The following LMNTD1 variants were observed in gnomAD, a reference collection of about 807,000 sequenced individuals.
LMNTD1 encodes the protein lamin tail domain containing 1.
LMNTD1 carries 35 observed loss-of-function variants against 50.9 expected under a neutral mutation model. The observed-to-expected ratio is 0.69, with a 90% CI of 0.53 to 0.91. The LOEUF is 0.91. Ranked by LOEUF, LMNTD1 falls within the 40% of genes least tolerant of loss-of-function variation. The probability of loss-of-function intolerance (pLI) is 0.00; values close to 1 mark genes in which losing one functional copy is unlikely to be tolerated. For missense variants in LMNTD1, 470 were observed against 475.5 expected (o/e 0.99, Z 0.11); for synonymous variants, 153 against 161.9 (o/e 0.94, Z 0.42).
At chr12:25,486,615 C>G (rs1938651417) in intron 9 of LMNTD1, among the ~76,000 whole-genome samples, 1 of 148,944 alleles carries the variant, frequency 6.7e-6, no homozygotes, top group Non-Finnish European at 1.5e-5. Context: ...AGTTTTTGCC[C>G]ATTCAGTATG....
At position 25,493,034 on chromosome 12, in the gene LMNTD1, G is replaced by A. The variant is rs369629659; in HGVS notation, c.*22+10704C>T. ...TTTCTCCATTAGCCTGAAACATCTA[G>A]CCTGTCTCTTAAAATCAGCTCCTTG... On this transcript the variant is annotated intron_variant, in intron 9 of 9. Coordinates refer to ENST00000458174, the MANE Select transcript of LMNTD1 (RefSeq NM_001145728.2). Among the ~76,000 whole-genome samples the A allele has an allele frequency of 1.8e-4, 28 of 152,218 alleles. 1 individual carries two copies. Among genetic ancestry groups the A allele is most frequent in the African/African-American group, 4.8e-4 (20 of 41,540 alleles).
intron 1 of LMNTD1, among the ~76,000 whole-genome samples, chr12:25,601,760 A>T (rs1321609594): frequency 6.6e-6 from 1 of 151,934 alleles, no homozygotes; most frequent in Non-Finnish European, 1.5e-5. Flanking sequence ...AAAATAAGTT[A>T]ATCCTTTTCT....
At chr12:25,528,085 C>T (rs1941943729) in intron 4 of LMNTD1, among the ~76,000 whole-genome samples, 2 of 152,062 alleles carry the variant, frequency 1.3e-5, no homozygotes, top group Admixed American at 1.3e-4. Flanking sequence ...TGTAAGTCCC[C>T]AAGTATTTTG....
At chr12:25,577,202 A>G (rs1945062899) in intron 1 of LMNTD1, among the ~76,000 whole-genome samples, 1 of 152,220 alleles carries the variant, frequency 6.6e-6, no homozygotes, top group South Asian at 2.1e-4. Flanking sequence ...TATGAACTTT[A>G]AAGTAGTTTT....
intron 8 of LMNTD1, among the ~76,000 whole-genome samples, chr12:25,515,347 T>C (rs948834316): frequency 3.9e-5 from 6 of 152,104 alleles, no homozygotes; most frequent in Non-Finnish European, 8.8e-5. Context: ...TCTCTCTATA[T>C]TACTATAGTT....
intron 9 of LMNTD1, among the ~76,000 whole-genome samples, chr12:25,497,196 G>A (rs891237131): frequency 3.9e-5 from 6 of 152,040 alleles, no homozygotes; most frequent in African/African-American, 1.2e-4. Context: ...AGGTGGGAGG[G>A]GTTCCCTGGA....
Position 25,481,865 on chromosome 12 carries a change from TCACACACA to T in LMNTD1, c.*23-5413_*23-5406del, listed in dbSNP as rs138084240. On this transcript the variant is annotated intron_variant, in intron 9 of 9. Coordinates refer to ENST00000458174, the MANE Select transcript of LMNTD1 (RefSeq NM_001145728.2). ...CAACATATAGTAATATATTGCCTCT[TCACACACA>T]CACACACACACACACACACACACAC... 1.9e-3 allele frequency among the ~76,000 whole-genome samples: 250 copies of T among 132,702 alleles called. 2 individuals carry two copies. The highest frequency in any genetic ancestry group is 0.015 in the East Asian group (68 of 4,636). The allele number at this position is 132,702 out of a possible 152,430, so 87.1% of individuals were successfully genotyped here.
At chr12:25,564,510 G>C (rs534678529) in intron 1 of LMNTD1, among the ~76,000 whole-genome samples, 2 of 152,252 alleles carry the variant, frequency 1.3e-5, no homozygotes, top group Admixed American at 1.3e-4. Context: ...ACCTACCTCA[G>C]CCTCCCAAAG....
At chr12:25,517,731 T>G (rs61924650) in intron 8 of LMNTD1, among the ~76,000 whole-genome samples, 12 of 25,200 alleles carry the variant, frequency 4.8e-4, no homozygotes, top group Non-Finnish European at 4.5e-4. Context: ...ATAATAATAA[T>G]AATAATAATA....
intron 1 of LMNTD1, among the ~76,000 whole-genome samples, chr12:25,631,801 T>A (rs1317160930): frequency 6.6e-6 from 1 of 151,600 alleles, no homozygotes; most frequent in Admixed American, 6.6e-5. Context: ...CAAAAATAAA[T>A]CCCTGATTTA....
chr12:25,534,367 T>A (rs1942429864), intron 4 of LMNTD1, among the ~76,000 whole-genome samples: 1 of 152,180 alleles, frequency 6.6e-6, no homozygotes, highest in Non-Finnish European at 1.5e-5. Context: ...TTGATACTTG[T>A]CAACAAAGAA....
chr12:25,495,817 A>G (rs1939043808), intron 9 of LMNTD1, among the ~76,000 whole-genome samples: 1 of 152,178 alleles, frequency 6.6e-6, no homozygotes, highest in South Asian at 2.1e-4. Flanking sequence ...CTGACAAGGA[A>G]TCTACCACAA....
At chr12:25,573,123 A>T (rs997074775) in intron 1 of LMNTD1, among the ~76,000 whole-genome samples, 2 of 151,830 alleles carry the variant, frequency 1.3e-5, no homozygotes, top group African/African-American at 4.8e-5. Flanking sequence ...TCTTTCTCCA[A>T]ATTCAGAGAA....
intron 6 of LMNTD1, 133 bp downstream of exon 6, chr12:25,525,966 G>A: frequency 2.0e-6 from 1 of 501,390 alleles, no homozygotes; most frequent in Non-Finnish European, 3.1e-6. Flanking sequence ...AATCTTTTAG[G>A]CATAAAGTCA....
At chr12:25,514,220 C>T (rs891032854) in intron 8 of LMNTD1, among the ~76,000 whole-genome samples, 2 of 152,056 alleles carry the variant, frequency 1.3e-5, no homozygotes, top group African/African-American at 4.8e-5. Flanking sequence ...CAGACCCAGA[C>T]CCAAGCATAG....
At chr12:25,527,681 T>TATATATATACACAC (rs1463259109) in intron 4 of LMNTD1, among the ~76,000 whole-genome samples, 2 of 32,346 alleles carry the variant, frequency 6.2e-5, no homozygotes, top group South Asian at 1.0e-3. Flanking sequence ...TATATATATA[T>TATATATATACACAC]ACACACACAC....
intron 4 of LMNTD1, among the ~76,000 whole-genome samples, chr12:25,543,498 A>C (rs1293517296): frequency 6.6e-6 from 1 of 152,054 alleles, no homozygotes; most frequent in Non-Finnish European, 1.5e-5. Context: ...CACTAGATGC[A>C]TAGAAAGTAT....
intron 9 of LMNTD1, among the ~76,000 whole-genome samples, chr12:25,496,413 T>C (rs1939070121): frequency 1.3e-5 from 2 of 152,168 alleles, no homozygotes; most frequent in Non-Finnish European, 2.9e-5. Context: ...ATAGTAACCA[T>C]GAACAAAACG....
intron 9 of LMNTD1, among the ~76,000 whole-genome samples, chr12:25,479,277 G>A (rs142245811): frequency 3.9e-5 from 6 of 152,136 alleles, no homozygotes; most frequent in South Asian, 2.1e-4. Flanking sequence ...ACGTATTGTC[G>A]TGGGAATAGG....
Sources: gnomAD v4.1 joint callset for allele counts (sites outside exome capture counted in the v4.1 genomes callset) on GRCh38, gnomAD v4.1.1 for gene constraint, MANE v1.5 for transcripts, NCBI Gene and HGNC (gene_info 2026-07-23, HGNC 2026-07-21) for gene names.